The following KCNH8 variants were observed in gnomAD, a reference collection of about 807,000 sequenced individuals.
KCNH8 encodes potassium voltage-gated channel subfamily H member 8.
Under a neutral mutation model 103.6 loss-of-function variants are expected in KCNH8, and 70 were observed. The ratio of observed to expected loss-of-function variants is 0.68; its 90% confidence interval spans 0.56 to 0.82. The LOEUF is 0.82. Among genes scored for constraint, KCNH8 ranks in the 40% least tolerant of loss-of-function variants. The pLI is 0.00. For synonymous variants in KCNH8, 498 were observed against 489.4 expected (o/e 1.02, Z -0.23); for missense variants, 1,217 against 1,329.9 (o/e 0.92, Z 1.32).
chr3:19,167,767 G>T (rs1443903769), intron 1 of KCNH8, among the ~76,000 whole-genome samples: 1 of 152,124 alleles, frequency 6.6e-6, no homozygotes, highest in Non-Finnish European at 1.5e-5. Flanking sequence ...GTCTTCCAGG[G>T]TATTCAACTA....
intron 15 of KCNH8, 126 bp from the exon 16 acceptor site, chr3:19,533,269 T>A: frequency 1.5e-6 from 1 of 646,524 alleles, no homozygotes; most frequent in Non-Finnish European, 2.7e-6. Context: ...CTAAAATGTT[T>A]AAGAATAAAT....
chr3:19,472,942 T>C (rs2067893808), intron 11 of KCNH8, among the ~76,000 whole-genome samples: 1 of 152,216 alleles, frequency 6.6e-6, no homozygotes, highest in Non-Finnish European at 1.5e-5. Flanking sequence ...GTCAATGTTA[T>C]TAAGTATTAT....
At chr3:19,424,990 A>G (rs2067006447) in intron 7 of KCNH8, among the ~76,000 whole-genome samples, 1 of 152,200 alleles carries the variant, frequency 6.6e-6, no homozygotes, top group African/African-American at 2.4e-5. Context: ...TGTTACACAC[A>G]CACACACAGA....
intron 3 of KCNH8, among the ~76,000 whole-genome samples, chr3:19,334,299 G>A (rs2053506): frequency 0.72 from 109,201 of 151,976 alleles, 40,281 homozygotes; most frequent in African/African-American, 0.89. Context: ...CATAACATGC[G>A]CTACAACTCA....
Position 19,533,785 on chromosome 3 carries a change from G to A in KCNH8, c.3010G>A (p.Gly1004Ser). ...SPSHYQVVQE[G>S]HLQFLRCISP... is the part of the protein sequence containing the mutation. ...TTCCCACTACCAGGTTGTCCAAGAAGGTCATTTGCAATTTTTAAGGTGCAT... is the reference window on the plus strand; with the variant it reads ...TTCCCACTACCAGGTTGTCCAAGAAAGTCATTTGCAATTTTTAAGGTGCAT... Residue 1004 changes from glycine to serine, a missense_variant, in exon 16 of 16, where the codon GGT becomes AGT. Physicochemically the swap from Gly to Ser is moderately conservative, Grantham distance 56. This residue lies in a region of KCNH8 where 558 missense variants were observed against 495.8 expected (regional missense o/e 1.13). Coordinates refer to ENST00000328405, the MANE Select transcript of KCNH8 (RefSeq NM_144633.3). 6.2e-7 allele frequency: 1 copy of A among 1,614,120 alleles called. No homozygotes were observed.
intron 11 of KCNH8, among the ~76,000 whole-genome samples, chr3:19,486,380 A>G (rs1235442521): frequency 6.6e-6 from 1 of 152,250 alleles, no homozygotes; most frequent in African/African-American, 2.4e-5. Context: ...TTTGGTATTC[A>G]TCAAGGTTAC....
chr3:19,162,514 AAG>A (rs2063244300), intron 1 of KCNH8, among the ~76,000 whole-genome samples: 1 of 151,968 alleles, frequency 6.6e-6, no homozygotes, highest in Non-Finnish European at 1.5e-5. Flanking sequence ...CTCAAACAAA[AAG>A]AAAAAGAAAA....
chr3:19,458,030 G>A (rs961737847), intron 11 of KCNH8, among the ~76,000 whole-genome samples: 1 of 151,920 alleles, frequency 6.6e-6, no homozygotes, highest in Admixed American at 6.6e-5. Flanking sequence ...CTCTACCTAT[G>A]TAAAGCATCT....
At chr3:19,438,389 G>A in intron 8 of KCNH8, 28 bp downstream of exon 8, 1 of 1,582,262 alleles carries the variant, frequency 6.3e-7, no homozygotes, top group Non-Finnish European at 8.6e-7. Flanking sequence ...TTTATACTAA[G>A]AAGAGGAACT....
chr3:19,494,263 T>C (rs945573910), intron 11 of KCNH8, among the ~76,000 whole-genome samples: 3 of 152,198 alleles, frequency 2.0e-5, no homozygotes, highest in African/African-American at 7.2e-5. Context: ...AATCTCGTCT[T>C]GTAGCTCCCA....
chr3:19,318,640 A>AGAGT (rs2065306857), intron 3 of KCNH8, among the ~76,000 whole-genome samples: 1 of 131,310 alleles, frequency 7.6e-6, no homozygotes, highest in African/African-American at 2.9e-5. Context: ...TTACATGGTA[A>AGAGT]GTGTGTGTGT....
intron 3 of KCNH8, among the ~76,000 whole-genome samples, chr3:19,321,845 A>G (rs1051739714): frequency 6.6e-6 from 1 of 152,036 alleles, no homozygotes; most frequent in East Asian, 1.9e-4. Context: ...CAATTGTTTT[A>G]TAAATTTGGG....
At chr3:19,524,482 T>C (rs2069028378) in intron 15 of KCNH8, among the ~76,000 whole-genome samples, 1 of 151,932 alleles carries the variant, frequency 6.6e-6, no homozygotes, top group African/African-American at 2.4e-5. Context: ...GTAGAACTCC[T>C]TTTGGTTATT....
chr3:19,444,277 ATGT>A (rs1000646566), intron 8 of KCNH8, among the ~76,000 whole-genome samples: 21 of 152,028 alleles, frequency 1.4e-4, no homozygotes, highest in African/African-American at 5.1e-4. Context: ...CTTTCAGTAA[ATGT>A]TGTTGGGCCA....
chr3:19,461,298 C>A (rs1353006605), intron 11 of KCNH8, among the ~76,000 whole-genome samples: 2 of 152,076 alleles, frequency 1.3e-5, no homozygotes, highest in Non-Finnish European at 2.9e-5. Context: ...GGATACTATG[C>A]CCTCTAAGGG....
intron 8 of KCNH8, among the ~76,000 whole-genome samples, chr3:19,447,462 A>AAG (rs2067379259): frequency 6.6e-6 from 1 of 152,056 alleles, no homozygotes; most frequent in Non-Finnish European, 1.5e-5. Flanking sequence ...TAAGTGCTTT[A>AAG]CACATTATAA....
At chr3:19,359,035 T>C (rs1344646726) in intron 5 of KCNH8, among the ~76,000 whole-genome samples, 1 of 151,982 alleles carries the variant, frequency 6.6e-6, no homozygotes, top group Non-Finnish European at 1.5e-5. Context: ...TAAATCAAGA[T>C]ATATGACAAA....
intron 3 of KCNH8, among the ~76,000 whole-genome samples, chr3:19,287,400 G>A (rs1224868850): frequency 6.6e-6 from 1 of 152,136 alleles, no homozygotes; most frequent in Non-Finnish European, 1.5e-5. Context: ...AGTGCTGGGA[G>A]AGAAAGCCAA....
chr3:19,326,279 C>A (rs191903970), intron 3 of KCNH8, among the ~76,000 whole-genome samples: 1 of 151,044 alleles, frequency 6.6e-6, no homozygotes, highest in Non-Finnish European at 1.5e-5. Flanking sequence ...CACAACAACC[C>A]GTGCCCCTGC....
Sources: gnomAD v4.1 joint callset for allele counts (sites outside exome capture counted in the v4.1 genomes callset) on GRCh38, gnomAD v4.1.1 for gene constraint, gnomAD v4.1.1 regional missense constraint, MANE v1.5 for transcripts, NCBI Gene and HGNC (gene_info 2026-07-23, HGNC 2026-07-21) for gene names.